UBA3: variants seen among roughly 807,000 people sequenced by gnomAD.
UBA3 encodes ubiquitin like modifier activating enzyme 3, also known as NEDD8-activating enzyme E1 catalytic subunit.
UBA3 carries 26 observed loss-of-function variants against 73.5 expected under a neutral mutation model. The ratio of observed to expected loss-of-function variants is 0.35; its 90% CI spans 0.26 to 0.49. UBA3 has a LOEUF of 0.49. UBA3 is among the 20% of genes least tolerant of loss of function. The pLI is 0.98. For synonymous variants in UBA3, 217 were observed against 191.2 expected (o/e 1.13, Z -1.11); for missense variants, 495 against 555.6 (o/e 0.89, Z 1.10).
chr3:69,055,209 A>T lies in UBA3; in HGVS notation c.*228T>A, dbSNP rs2091962684. 3.1e-6 allele frequency: 1 copy of T among 317,846 alleles called. No individual in the cohort carries two copies. Among genetic ancestry groups the T allele is most frequent in the Non-Finnish European group, 5.8e-6 (1 of 173,686 alleles). 19.7% of individuals were successfully genotyped at this position (317,846 alleles called of 1,614,324 possible). On this transcript the variant is annotated 3_prime_UTR_variant, in exon 18 of 18. Transcript: ENST00000361055. ...AAAAGAAGCAATACATTTGCTCATAATCTCTCTCTCCAGGTATCATTTCTC... is the reference window on the plus strand; with the variant it reads ...AAAAGAAGCAATACATTTGCTCATATTCTCTCTCTCCAGGTATCATTTCTC...
intron 7 of UBA3, 22 bp downstream of exon 7, chr3:69,064,046 T>A (rs763215644): frequency 6.3e-7 from 1 of 1,592,510 alleles, no homozygotes; most frequent in South Asian, 1.1e-5. Context: ...TAGTGAGCAT[T>A]AATTTCAAGT....
At chr3:69,061,005 C>T (rs1160590483) in intron 11 of UBA3, among the ~76,000 whole-genome samples, 1 of 152,184 alleles carries the variant, frequency 6.6e-6, no homozygotes, top group African/African-American at 2.4e-5. Context: ...AATAAATTAC[C>T]CAGTTTCAGA....
At chr3:69,067,181 A>T (rs1559644442) in intron 6 of UBA3, among the ~76,000 whole-genome samples, 3 of 152,184 alleles carry the variant, frequency 2.0e-5, no homozygotes, top group Non-Finnish European at 4.4e-5. Context: ...TACTATATTT[A>T]ATCTTCCAAT....
intron 3 of UBA3, among the ~76,000 whole-genome samples, chr3:69,076,201 C>T (rs1025008336): frequency 6.6e-6 from 1 of 152,116 alleles, no homozygotes; most frequent in Non-Finnish European, 1.5e-5. Context: ...AACAGAGGAT[C>T]AAGCACTGCC....
At chr3:69,057,987 G>A (rs908260179) in intron 11 of UBA3, among the ~76,000 whole-genome samples, 5 of 134,424 alleles carry the variant, frequency 3.7e-5, no homozygotes, top group South Asian at 2.3e-4. Flanking sequence ...GTGCAGTGTC[G>A]TGATCTGATC....
In UBA3 at chr3:69,062,186, C is replaced by G. The variant is rs751095069; in HGVS notation, c.694-7G>C. The G allele has an allele frequency of 1.3e-6, 2 of 1,576,320 alleles. No individual in the cohort carries two copies. Among genetic ancestry groups the G allele is most frequent in the Non-Finnish European group, 8.7e-7 (1 of 1,147,580 alleles). Reference sequence around the variant, plus strand: ...TGCACATGGGAAAATTAACCTAAAACCACAGTTTGTCCTTTTCAGTGAATT... The same window carrying G: ...TGCACATGGGAAAATTAACCTAAAAGCACAGTTTGTCCTTTTCAGTGAATT... On this transcript the variant is annotated splice_polypyrimidine_tract_variant and splice_region_variant and intron_variant, in intron 9 of 17. Coordinates refer to ENST00000361055, the MANE Select transcript of UBA3 (RefSeq NM_003968.4).
In UBA3 at chr3:69,055,355, G is replaced by C; in HGVS notation, c.*82C>G. ...AAAGACAAATCGTGGCAACACTATT[G>C]CTAAAAATGACATCGATTCAACTTC... On this transcript the variant is annotated 3_prime_UTR_variant, in exon 18 of 18. Transcript: ENST00000361055. The C allele has an allele frequency of 1.1e-6, 1 of 918,382 alleles. No individual in the cohort carries two copies. The highest frequency in any genetic ancestry group is 1.6e-6 in the Non-Finnish European group (1 of 639,224). The allele number at this position is 918,382 out of a possible 1,614,324, so 56.9% of individuals were successfully genotyped here. A position where few individuals can be genotyped will look rare whatever the true frequency, so the allele number is the denominator to read the frequency against.
intron 2 of UBA3, among the ~76,000 whole-genome samples, chr3:69,078,676 T>A (rs568354918): frequency 6.6e-6 from 1 of 152,136 alleles, no homozygotes; most frequent in Non-Finnish European, 1.5e-5. Context: ...TTTCGCCATG[T>A]TGCACAGGCT....
At chr3:69,064,499 T>G (rs1039906997) in intron 6 of UBA3, among the ~76,000 whole-genome samples, 2 of 152,254 alleles carry the variant, frequency 1.3e-5, no homozygotes, top group Non-Finnish European at 2.9e-5. Context: ...ATGCACATTA[T>G]AGTTCCTATT....
chr3:69,058,482 G>T (rs2091995836), intron 11 of UBA3, among the ~76,000 whole-genome samples: 1 of 152,158 alleles, frequency 6.6e-6, no homozygotes, highest in Admixed American at 6.5e-5. Flanking sequence ...AGTTACGAAG[G>T]CTGGAAAGCT....
At chr3:69,078,042 A>G (rs1041799137) in intron 2 of UBA3, 124 bp from the exon 3 acceptor site, 118 of 1,226,438 alleles carry the variant, frequency 9.6e-5, no homozygotes, top group Non-Finnish European at 2.5e-5. Flanking sequence ...AAAGGAAAAT[A>G]TTCAATGTGA....
intron 2 of UBA3, 117 bp from the exon 3 acceptor site, chr3:69,078,035 G>A: frequency 7.8e-7 from 1 of 1,277,218 alleles, no homozygotes; most frequent in South Asian, 1.8e-5. Context: ...CAAATAAAAA[G>A]GAAAATATTC....
intron 2 of UBA3, among the ~76,000 whole-genome samples, 195 bp from the exon 3 acceptor site, chr3:69,078,113 T>C (rs2107502873): frequency 6.6e-6 from 1 of 152,370 alleles, no homozygotes; most frequent in African/African-American, 2.4e-5. Flanking sequence ...AGTTAAGAAC[T>C]GCACGTTTCT....
intron 11 of UBA3, among the ~76,000 whole-genome samples, chr3:69,057,851 T>C (rs958547297): frequency 6.6e-5 from 10 of 151,970 alleles, no homozygotes; most frequent in African/African-American, 2.2e-4. Context: ...AGCTGCCCTT[T>C]ATTATCTTTT....
intron 4 of UBA3, among the ~76,000 whole-genome samples, 171 bp from the exon 5 acceptor site, chr3:69,071,788 A>G (rs772214479): frequency 1.7e-4 from 26 of 152,212 alleles, no homozygotes; most frequent in Non-Finnish European, 2.8e-4. Flanking sequence ...GAGTTCTTGA[A>G]CAGGTCAAAA....
chr3:69,056,575 T>C lies in UBA3; in HGVS notation c.1083+37A>G, dbSNP rs1451852500. ...AACCAATAATATTTAAAAATCAAAATATGCATGATCAAAAATGTGTTCTTA... is the reference window on the plus strand; with the variant it reads ...AACCAATAATATTTAAAAATCAAAACATGCATGATCAAAAATGTGTTCTTA... On this transcript the variant is annotated intron_variant, in intron 14 of 17. Coordinates refer to ENST00000361055, the MANE Select transcript of UBA3 (RefSeq NM_003968.4). 3.3e-6 allele frequency: 5 copies of C among 1,522,836 alleles called. No homozygotes were observed. In the Admixed American group the frequency reaches 9.5e-5, roughly 29 times the overall value. The allele number at this position is 1,522,836 out of a possible 1,614,324, so 94.3% of individuals were successfully genotyped here.
chr3:69,062,283 A>C, intron 9 of UBA3, 104 bp from the exon 10 acceptor site: 2 of 777,286 alleles, frequency 2.6e-6, no homozygotes, highest in Non-Finnish European at 4.4e-6. Flanking sequence ...AATTTGTTTC[A>C]ACTCAAAATA....
At chr3:69,067,874 TAAAGGAAAAAAGCTTTTA>T (rs1394629868) in intron 6 of UBA3, 36 bp downstream of exon 6, 1 of 1,368,972 alleles carries the variant, frequency 7.3e-7, no homozygotes, top group East Asian at 2.4e-5. Flanking sequence ...TCTCTTATAA[TAAAGGAAAAAAGCTTTTA>T]AAAATTAAGT....
Position 69,061,930 on chromosome 3 carries a change from G to GT in UBA3, c.797-4dup. The GT allele has an allele frequency of 1.3e-6, 2 of 1,542,014 alleles. No homozygotes were observed. Among genetic ancestry groups the GT allele is most frequent in the Admixed American group, 4.0e-5 (2 of 49,664 alleles). Reference sequence around the variant, plus strand: ...ATCTCCATCTAATGGAACCCCTTCTGTTTAAAAAAAAAAAGGGAGAGAGAG... The same window carrying GT: ...ATCTCCATCTAATGGAACCCCTTCTGTTTTAAAAAAAAAAAGGGAGAGAGAG... On this transcript the variant is annotated splice_region_variant and splice_polypyrimidine_tract_variant and intron_variant, in intron 10 of 17. Transcript: ENST00000361055.
Sources: gnomAD v4.1 joint callset for allele counts (sites outside exome capture counted in the v4.1 genomes callset) on GRCh38, gnomAD v4.1.1 for gene constraint, MANE v1.5 for transcripts, NCBI Gene and HGNC (gene_info 2026-07-23, HGNC 2026-07-21) for gene names.